Variants in HNRNPA2B1 observed in about 807,000 individuals in gnomAD.
HNRNPA2B1 encodes heterogeneous nuclear ribonucleoprotein A2/B1, also known as heterogeneous nuclear ribonucleoproteins A2/B1.
In HNRNPA2B1, 3 loss-of-function variants were observed where a neutral mutation model predicts 46.3. The ratio of observed to expected loss-of-function variants is 0.06; its 90% CI spans 0.03 to 0.17. The LOEUF (loss-of-function observed/expected upper bound fraction) is 0.17, where lower values mean the gene tolerates loss of function less well. Among genes scored for constraint, HNRNPA2B1 ranks in the 10% least tolerant of loss-of-function variants. HNRNPA2B1 has a pLI of 1.00. For synonymous variants in HNRNPA2B1, 225 were observed against 133.8 expected (o/e 1.68, Z -4.70); for missense variants, 221 against 418.9 (o/e 0.53, Z 4.12).
rs1173363838 is a variant in HNRNPA2B1 at position 26,193,708 on chromosome 7, A to G, written c.722-14T>C. ...CAAAATTGCCACCTATTATAAAATAAGCCTTTAAGTAATCACTTAATATTT... is the reference window on the plus strand; with the variant it reads ...CAAAATTGCCACCTATTATAAAATAGGCCTTTAAGTAATCACTTAATATTT... On this transcript the variant is annotated splice_polypyrimidine_tract_variant and intron_variant, in intron 7 of 10. Transcript: ENST00000618183. 3.7e-6 allele frequency: 6 copies of G among 1,605,778 alleles called. No homozygotes were observed. Among genetic ancestry groups the G allele is most frequent in the South Asian group, 3.3e-5 (3 of 90,264 alleles).
intron 7 of HNRNPA2B1, among the ~76,000 whole-genome samples, chr7:26,194,751 G>C (rs1345607304): frequency 6.6e-6 from 1 of 151,162 alleles, no homozygotes; most frequent in Non-Finnish European, 1.5e-5. Context: ...AAATAGAAGT[G>C]CGGACATAAA....
intron 3 of HNRNPA2B1, 107 bp from the exon 4 acceptor site, chr7:26,197,124 CCA>C: frequency 1.8e-6 from 2 of 1,102,076 alleles, no homozygotes; most frequent in Non-Finnish European, 2.6e-6. Flanking sequence ...CTTAAAACTA[CCA>C]GATATAAAAT....
chr7:26,200,500 G>A, intron 1 of HNRNPA2B1, 72 bp downstream of exon 1: 1 of 1,514,042 alleles, frequency 6.6e-7, no homozygotes, highest in South Asian at 1.1e-5. Context: ...GAGGCGGCTG[G>A]CCGACTTCCA....
Position 26,193,111 on chromosome 7 carries a change from A to T in HNRNPA2B1, c.964+140T>A, listed in dbSNP as rs1302891523. On this transcript the variant is annotated intron_variant, in intron 9 of 10. Transcript: ENST00000618183. Reference sequence around the variant, plus strand: ...AGTACTTCTGTGGAGATTTATGCAAAATTTCTTTATTTTCACTAAGACCGT... The same window carrying T: ...AGTACTTCTGTGGAGATTTATGCAATATTTCTTTATTTTCACTAAGACCGT... 7.6e-6 allele frequency: 6 copies of T among 793,116 alleles called. No homozygotes were observed. In the East Asian group the frequency reaches 1.6e-4, roughly 21 times the overall value. The allele number at this position is 793,116 out of a possible 1,614,324, so 49.1% of individuals were successfully genotyped here.
chr7:26,191,314 T>C lies in HNRNPA2B1; in HGVS notation c.*1046A>G, dbSNP rs1304527766. 6.6e-6 allele frequency: 1 copy of C among 152,192 alleles called. No homozygotes were observed. The highest frequency in any genetic ancestry group is 2.4e-5 in the African/African-American group (1 of 41,442). The allele number at this position is 152,192 out of a possible 1,614,324, so 9.4% of individuals were successfully genotyped here. ...TTTATAAATTGTTAAACTCAATTTA[T>C]AGCTATGTTAAACTACGTAAGAACC... On this transcript the variant is annotated 3_prime_UTR_variant, in exon 11 of 11. Coordinates refer to ENST00000618183, the MANE Select transcript of HNRNPA2B1 (RefSeq NM_002137.4).
chr7:26,195,864 T>A lies in HNRNPA2B1; in HGVS notation c.704A>T (p.Tyr235Phe), dbSNP rs747313003. The change falls in exon 7 of 11, where the codon TAT becomes TTT. Residue 235 changes from tyrosine (Y) to phenylalanine (F), a missense_variant. By Grantham distance (22) the Tyr-to-Phe change is conservative. Around this residue, in one of 2 missense-constraint regions of HNRNPA2B1, gnomAD observed 143 missense variants for 200.5 expected, o/e 0.71. Transcript: ENST00000618183. The part of the protein sequence containing the change: ...GRGFGDGYNG[Y>F]GGGPGGGNFG... ...AAACTGACCTCCAGGTCCTCCTCCA[T>A]ACCCATTATAGCCATCCCCAAATCC... 3.7e-6 allele frequency: 6 copies of A among 1,611,510 alleles called. No homozygotes were observed.
At chr7:26,197,248 T>C (rs371022546) in intron 3 of HNRNPA2B1, 67 bp downstream of exon 3, 2 of 1,476,958 alleles carry the variant, frequency 1.4e-6, no homozygotes, top group Non-Finnish European at 1.8e-6. Flanking sequence ...AATTCAGAAA[T>C]AGTTTCTGAT....
At chr7:26,194,798 TAAAA>T (rs200966644) in intron 7 of HNRNPA2B1, among the ~76,000 whole-genome samples, 4 of 118,272 alleles carry the variant, frequency 3.4e-5, no homozygotes, top group African/African-American at 6.2e-5. Context: ...AAAACAAAAA[TAAAA>T]AAAAAAAAAA....
intron 7 of HNRNPA2B1, among the ~76,000 whole-genome samples, chr7:26,195,092 C>CAAAAAAA (rs11356411): frequency 9.8e-4 from 51 of 51,950 alleles, no homozygotes; most frequent in African/African-American, 2.4e-3. Flanking sequence ...GGCTCCGTCT[C>CAAAAAAA]AAAAAAAAAA....
rs950889599 is a variant in HNRNPA2B1 at position 26,190,302 on chromosome 7, T to C, written c.*2058A>G. The C allele has an allele frequency of 5.2e-5, 8 of 152,598 alleles. No individual in the cohort carries two copies. The highest frequency in any genetic ancestry group is 8.8e-5 in the Non-Finnish European group (6 of 68,018). 9.5% of individuals were successfully genotyped at this position (152,598 alleles called of 1,614,324 possible). The stretch of plus-strand genomic sequence containing the variant: ...TTTTATATCAAGAACCTCAACTAAA[T>C]GTTTGTTTTATCAGAAAACATTTCC... On this transcript the variant is annotated 3_prime_UTR_variant, in exon 11 of 11. Transcript: ENST00000618183.
At chr7:26,195,604 C>T (rs954188661) in intron 7 of HNRNPA2B1, 2 of 492,472 alleles carry the variant, frequency 4.1e-6, no homozygotes, top group South Asian at 2.5e-5. Context: ...AATCATTTTG[C>T]TTGAGAAAAG....
In HNRNPA2B1 at chr7:26,191,069, A is replaced by T. The variant is rs962255802; in HGVS notation, c.*1291T>A. On this transcript the variant is annotated 3_prime_UTR_variant, in exon 11 of 11. Transcript: ENST00000618183. ...CACTTGGCTTGCCTCAGCTGTTGAA[A>T]TGAAGCACTTTACAGTCTTTGTGGC... 12 of 152,364 alleles carry T rather than the reference A, an allele frequency of 7.9e-5. No individual in the cohort carries two copies. Among genetic ancestry groups the T allele is most frequent in the Admixed American group, 4.6e-4 (7 of 15,256 alleles). The allele number at this position is 152,364 out of a possible 1,614,324, so 9.4% of individuals were successfully genotyped here.
chr7:26,193,468 CCA>C, intron 8 of HNRNPA2B1, 95 bp from the exon 9 acceptor site: 1 of 1,527,350 alleles, frequency 6.5e-7, no homozygotes, highest in South Asian at 1.2e-5. Context: ...AAACACTTAT[CCA>C]CAAATTTTAT....
At chr7:26,197,086 C>A in intron 3 of HNRNPA2B1, 69 bp from the exon 4 acceptor site, 1 of 1,271,382 alleles carries the variant, frequency 7.9e-7, no homozygotes, top group Non-Finnish European at 1.1e-6. Flanking sequence ...AGCACCCAAC[C>A]GTAGTACCAT....
chr7:26,193,603 G>A lies in HNRNPA2B1; in HGVS notation c.813C>T (p.Tyr271=), dbSNP rs1446794178. The A allele has an allele frequency of 2.3e-5, 37 of 1,606,436 alleles. No individual in the cohort carries two copies. The Admixed American group carries it at 5.2e-4, about 23-fold the overall frequency. ...CTCCATAGTTGTCATAACCACCTCC[G>A]TAGCCCCCACCCTGGTTGCCATATC... ...GPGYGNQGGG[Y]GGGYDNYGGG... Residue 271 remains tyrosine, a synonymous_variant, in exon 8 of 11, where the codon TAC becomes TAT. Coordinates refer to ENST00000618183, the MANE Select transcript of HNRNPA2B1 (RefSeq NM_002137.4).
chr7:26,190,016 T>C lies in HNRNPA2B1; in HGVS notation c.*2344A>G, dbSNP rs554109805. 19 of 152,556 alleles carry C rather than the reference T, an allele frequency of 1.2e-4. No homozygotes were observed. The highest frequency in any genetic ancestry group is 2.1e-4 in the South Asian group (1 of 4,828). 9.5% of individuals were successfully genotyped at this position (152,556 alleles called of 1,614,324 possible). On this transcript the variant is annotated 3_prime_UTR_variant, in exon 11 of 11. Coordinates refer to ENST00000618183, the MANE Select transcript of HNRNPA2B1 (RefSeq NM_002137.4). ...TTACCTGTTAATATTAAAATATGCATAGCTTTGTGAAACTGCTTTTAAAAA... is the reference window on the plus strand; with the variant it reads ...TTACCTGTTAATATTAAAATATGCACAGCTTTGTGAAACTGCTTTTAAAAA...
At chr7:26,197,098 C>A in intron 3 of HNRNPA2B1, 81 bp from the exon 4 acceptor site, 1 of 1,207,858 alleles carries the variant, frequency 8.3e-7, no homozygotes. Context: ...TAGTACCATA[C>A]TTCGCTTGTA....
rs757151473 is a variant in HNRNPA2B1, at chr7:26,196,376, TA to T, written c.658+24del. 15 of 1,576,592 alleles carry T rather than the reference TA, an allele frequency of 9.5e-6. No individual in the cohort carries two copies. The African/African-American group carries it at 2.0e-4, about 21-fold the overall frequency. On this transcript the variant is annotated intron_variant, in intron 6 of 10. Transcript: ENST00000618183. ...TTAAAATAAAAGCACACTCATCCTT[TA>T]AACACGTAGAACTTGAAACTCACCA...
At position 26,192,161 on chromosome 7, in the gene HNRNPA2B1, TTAAA is replaced by T. The variant is rs1405033227; in HGVS notation, c.*195_*198del. On this transcript the variant is annotated 3_prime_UTR_variant, in exon 11 of 11. Coordinates refer to ENST00000618183, the MANE Select transcript of HNRNPA2B1 (RefSeq NM_002137.4). ...CTTCCTCCACAGTAAGGTAATGTTA[TTAAA>T]TAATCCAATCCATTCACAAAATGGC... 5.3e-6 allele frequency: 1 copy of T among 188,116 alleles called. No individual in the cohort carries two copies. Among genetic ancestry groups the T allele is most frequent in the Non-Finnish European group, 1.1e-5 (1 of 90,068 alleles). The allele number at this position is 188,116 out of a possible 1,614,324, so 11.7% of individuals were successfully genotyped here. A position where few individuals can be genotyped will look rare whatever the true frequency, so the allele number is the denominator to read the frequency against.
Sources: allele counts gnomAD v4.1 joint callset (sites outside exome capture counted in the v4.1 genomes callset), GRCh38; gene constraint gnomAD v4.1.1; regional missense constraint gnomAD v4.1.1; transcripts MANE v1.5; gene names NCBI Gene and HGNC (gene_info 2026-07-23, HGNC 2026-07-21).